Variants in DLGAP2 observed in about 807,000 individuals in gnomAD.
DLGAP2 encodes disks large-associated protein 2.
Under a neutral mutation model 100.3 loss-of-function variants are expected in DLGAP2, and 26 were observed. The ratio of observed to expected loss-of-function variants is 0.26; its 90% CI spans 0.19 to 0.36. The LOEUF (loss-of-function observed/expected upper bound fraction) is 0.36. Among genes scored for constraint, DLGAP2 ranks in the 10% least tolerant of loss-of-function variants. The pLI, the probability that DLGAP2 is intolerant of heterozygous loss-of-function variation, is 1.00. For synonymous variants in DLGAP2, 886 were observed against 630.1 expected, an observed-to-expected ratio of 1.41 and a Z score of -6.08; for missense variants, 1,858 against 1,453.2, an observed-to-expected ratio of 1.28 and a Z score of -4.53.
chr8:744,086 G>A (rs780789370), intron 1 of DLGAP2, among the ~76,000 whole-genome samples: 4 of 152,204 alleles, frequency 2.6e-5, no homozygotes, highest in African/African-American at 4.8e-5. Flanking sequence ...TCTGGTGGCC[G>A]TGGCAGTCTA....
intron 1 of DLGAP2, among the ~76,000 whole-genome samples, chr8:801,582 G>A (rs550746773): frequency 2.0e-5 from 3 of 152,318 alleles, no homozygotes; most frequent in African/African-American, 7.2e-5. Context: ...TTCCTGAGTA[G>A]CTGTGTGGCC....
intron 2 of DLGAP2, among the ~76,000 whole-genome samples, chr8:1,088,273 A>G (rs540357013): frequency 6.6e-6 from 1 of 152,310 alleles, no homozygotes; most frequent in Admixed American, 6.5e-5. Context: ...CTTTAGAGCT[A>G]CCATGAAGAG....
chr8:1,453,832 C>A (rs1305569047), intron 3 of DLGAP2, among the ~76,000 whole-genome samples: 1 of 152,250 alleles, frequency 6.6e-6, no homozygotes, highest in Non-Finnish European at 1.5e-5. Context: ...GAAAAACGCC[C>A]CCTCATTAGA....
intron 2 of DLGAP2, among the ~76,000 whole-genome samples, chr8:993,716 T>A (rs112068837): frequency 2.7e-4 from 41 of 151,934 alleles, no homozygotes; most frequent in African/African-American, 9.4e-4. Context: ...ATATTTATAT[T>A]TCAACATAGT....
chr8:1,341,607 C>T (rs1801420035), intron 3 of DLGAP2, among the ~76,000 whole-genome samples: 3 of 152,152 alleles, frequency 2.0e-5, no homozygotes, highest in Non-Finnish European at 2.9e-5. Flanking sequence ...AGTTCTGTGT[C>T]GTTTTCCCCA....
At chr8:1,191,652 CAA>C (rs906459737) in intron 2 of DLGAP2, among the ~76,000 whole-genome samples, 3 of 118,490 alleles carry the variant, frequency 2.5e-5, no homozygotes, top group Admixed American at 2.0e-4. Context: ...AATGAGCAGA[CAA>C]AGCTTCAAAA....
At chr8:1,291,760 A>G (rs1312225092) in intron 3 of DLGAP2, among the ~76,000 whole-genome samples, 1 of 152,024 alleles carries the variant, frequency 6.6e-6, no homozygotes, top group African/African-American at 2.4e-5. Flanking sequence ...ACCACACCCA[A>G]CATTGAGCCC....
chr8:752,393 G>A (rs1820814032), intron 1 of DLGAP2, among the ~76,000 whole-genome samples: 1 of 152,214 alleles, frequency 6.6e-6, no homozygotes, highest in Non-Finnish European at 1.5e-5. Context: ...TGGATTAAAG[G>A]GCAGATGAGG....
intron 3 of DLGAP2, among the ~76,000 whole-genome samples, chr8:1,468,307 A>C (rs1407782961): frequency 6.7e-6 from 1 of 149,458 alleles, no homozygotes; most frequent in East Asian, 2.0e-4. Flanking sequence ...GCCTCGGTCC[A>C]TTCTGAGAAC....
chr8:1,162,449 G>A (rs1038767030), intron 2 of DLGAP2, among the ~76,000 whole-genome samples: 5 of 152,174 alleles, frequency 3.3e-5, no homozygotes, highest in Non-Finnish European at 2.9e-5. Flanking sequence ...GTTTCTACTC[G>A]TGGAAGAGAA....
At chr8:1,697,787 G>A (rs907672827) in intron 14 of DLGAP2, among the ~76,000 whole-genome samples, 8 of 152,086 alleles carry the variant, frequency 5.3e-5, no homozygotes, top group Admixed American at 1.3e-4. Flanking sequence ...TTATTGAACC[G>A]TTTGATGAAT....
chr8:1,610,691 A>C (rs1330751873), intron 6 of DLGAP2, among the ~76,000 whole-genome samples: 5 of 138,546 alleles, frequency 3.6e-5, no homozygotes, highest in Non-Finnish European at 6.1e-5. Context: ...ACACAATAAA[A>C]AATGATAAAG....
chr8:1,264,767 G>C (rs1272529134), intron 3 of DLGAP2, among the ~76,000 whole-genome samples: 1 of 152,158 alleles, frequency 6.6e-6, no homozygotes, highest in Non-Finnish European at 1.5e-5. Context: ...TGGTTTTGCT[G>C]TGTCCCCACC....
At chr8:1,386,116 T>C (rs1012535185) in intron 3 of DLGAP2, among the ~76,000 whole-genome samples, 22 of 152,002 alleles carry the variant, frequency 1.4e-4, no homozygotes, top group African/African-American at 5.1e-4. Context: ...AATGACAAAA[T>C]AATGGAAAAT....
chr8:796,199 G>T (rs999969284), intron 1 of DLGAP2, among the ~76,000 whole-genome samples: 3 of 152,160 alleles, frequency 2.0e-5, no homozygotes, highest in South Asian at 4.1e-4. Context: ...GCACAGCTTT[G>T]GGGGTTCCAG....
chr8:985,404 A>T (rs1465740316), intron 2 of DLGAP2, among the ~76,000 whole-genome samples: 1 of 152,242 alleles, frequency 6.6e-6, no homozygotes, highest in Non-Finnish European at 1.5e-5. Context: ...TGACAAAACA[A>T]GGGCCATGAC....
intron 3 of DLGAP2, among the ~76,000 whole-genome samples, chr8:1,494,356 C>A (rs1799483996): frequency 6.6e-6 from 1 of 152,228 alleles, no homozygotes; most frequent in Admixed American, 6.5e-5. Context: ...AGTTTAAAAA[C>A]CTGTCAATTT....
At chr8:1,621,901 G>A (rs549616612) in intron 6 of DLGAP2, 1 of 152,296 alleles carries the variant, frequency 6.6e-6, no homozygotes, top group South Asian at 2.1e-4. Flanking sequence ...TGCAAATGTG[G>A]ATTTCCCTCA....
Position 1,565,908 on chromosome 8 carries a change from G to A in DLGAP2, c.1442+14G>A. ...AGAGCACCAGACGTAAGTGAGACCAGCTGCCTTCCCACTCCAAGCACTTTC... is the reference window on the plus strand; with the variant it reads ...AGAGCACCAGACGTAAGTGAGACCAACTGCCTTCCCACTCCAAGCACTTTC... On this transcript the variant is annotated intron_variant, in intron 6 of 14. Transcript: ENST00000637795. The A allele has an allele frequency of 6.3e-7, 1 of 1,579,142 alleles. No individual in the cohort carries two copies. Among genetic ancestry groups the A allele is most frequent in the East Asian group, 2.3e-5 (1 of 42,910 alleles).
Sources: allele counts gnomAD v4.1 joint callset (sites outside exome capture counted in the v4.1 genomes callset), GRCh38; gene constraint gnomAD v4.1.1; transcripts MANE v1.5; gene names NCBI Gene and HGNC (gene_info 2026-07-23, HGNC 2026-07-21).